The following MYOZ3 variants were observed in gnomAD, a reference collection of about 807,000 sequenced individuals.
MYOZ3 encodes the protein myozenin-3.
Under a neutral mutation model 26.5 loss-of-function variants are expected in MYOZ3, and 19 were observed. The ratio of observed to expected loss-of-function variants is 0.72; its 90% CI spans 0.50 to 1.05. The LOEUF is 1.05. Among genes scored for constraint, MYOZ3 ranks in the 50% least tolerant of loss-of-function variants. MYOZ3 has a pLI of 0.00. For synonymous variants in MYOZ3, 135 were observed against 138.8 expected, an observed-to-expected ratio of 0.97 and a Z score of 0.19; for missense variants, 322 against 337.1, an observed-to-expected ratio of 0.96 and a Z score of 0.35.
intron 6 of MYOZ3, chr5:150,673,160 C>T (rs1321412163): frequency 6.6e-6 from 1 of 152,396 alleles, no homozygotes; most frequent in African/African-American, 2.4e-5. Flanking sequence ...GACCCCAGGC[C>T]TGCCCGTGTT....
chr5:150,670,659 C>T (rs57925095), intron 3 of MYOZ3, 21 bp downstream of exon 3: 1 of 1,591,006 alleles, frequency 6.3e-7, no homozygotes, highest in Non-Finnish European at 8.6e-7. Flanking sequence ...CACCATTGTG[C>T]TCATGGGGAA....
chr5:150,670,693 G>A (rs1383713379), intron 3 of MYOZ3, 55 bp downstream of exon 3: 4 of 1,537,152 alleles, frequency 2.6e-6, no homozygotes, highest in Non-Finnish European at 2.6e-6. Flanking sequence ...GAGAGCCACT[G>A]GTTAGCCTAA....
At chr5:150,666,962 T>C (rs1298694941) in intron 2 of MYOZ3, among the ~76,000 whole-genome samples, 1 of 152,134 alleles carries the variant, frequency 6.6e-6, no homozygotes, top group Non-Finnish European at 1.5e-5. Flanking sequence ...TTTTGCCATG[T>C]TGGCCAGGTT....
At chr5:150,672,255 C>A in intron 5 of MYOZ3, 85 bp from the exon 6 acceptor site, 1 of 1,537,984 alleles carries the variant, frequency 6.5e-7, no homozygotes, top group East Asian at 2.4e-5. Context: ...CCTCCAACCG[C>A]GTCCGCGGAA....
chr5:150,673,680 G>A (rs1170552506), intron 6 of MYOZ3, among the ~76,000 whole-genome samples: 1 of 152,190 alleles, frequency 6.6e-6, no homozygotes, highest in Non-Finnish European at 1.5e-5. Flanking sequence ...AGTTTGGACA[G>A]GGGAGAGCTT....
Position 150,670,634 on chromosome 5 carries a change from G to A in MYOZ3, c.212G>A (p.Arg71Gln), listed in dbSNP as rs765485012. Reference sequence around the variant, plus strand: ...ACTTTCGAGTTAGCAGCCAGCCAGCGGGCGGTGAGTAAGCCACCATTGTGC... The same window carrying A: ...ACTTTCGAGTTAGCAGCCAGCCAGCAGGCGGTGAGTAAGCCACCATTGTGC... ...KFTFELAASQ[R>Q]AMLAGSARRK... Residue 71 changes from arginine (R) to glutamine (Q), a missense_variant, in exon 3 of 7, where the codon CGG becomes CAG. Arg to Gln is a conservative substitution (Grantham distance 43, BLOSUM62 1). Coordinates refer to ENST00000517768, the MANE Select transcript of MYOZ3 (RefSeq NM_001122853.3). 1.3e-5 allele frequency: 21 copies of A among 1,607,604 alleles called. No individual in the cohort carries two copies. In the African/African-American group the frequency reaches 2.3e-4, roughly 17 times the overall value.
intron 6 of MYOZ3, 21 bp downstream of exon 6, chr5:150,672,523 C>G: frequency 6.6e-7 from 1 of 1,510,198 alleles, no homozygotes; most frequent in Non-Finnish European, 8.9e-7. Flanking sequence ...GCGGGCAGCC[C>G]GGGGGACAGA....
At chr5:150,671,372 G>C (rs948829887) in intron 3 of MYOZ3, 23 of 581,734 alleles carry the variant, frequency 4.0e-5, no homozygotes, top group Non-Finnish European at 6.8e-5. Context: ...GGGAAATTAA[G>C]TATCTTGCCC....
At chr5:150,662,674 C>T (rs1239114467) in intron 1 of MYOZ3, among the ~76,000 whole-genome samples, 1 of 152,002 alleles carries the variant, frequency 6.6e-6, no homozygotes, top group East Asian at 1.9e-4. Context: ...GGAAAAGGCC[C>T]TAGAAACCAC....
At chr5:150,670,677 A>C in intron 3 of MYOZ3, 39 bp downstream of exon 3, 1 of 1,572,520 alleles carries the variant, frequency 6.4e-7, no homozygotes, top group Non-Finnish European at 8.7e-7. Flanking sequence ...GAAAATGAGG[A>C]CCACAGAGAG....
rs1318566321 is a variant in MYOZ3 at position 150,672,377 on chromosome 5, G to A, written c.462G>A (p.Lys154=). The part of the protein sequence containing the change: ...AEPLKGVPPE[K]FNHTAISKGY... ...CGCTGAAGGGCGTCCCGCCAGAGAA[G>A]TTCAACCACACCGCCATCTCCAAGG... Residue 154 remains lysine, a synonymous_variant, in exon 6 of 7, where the codon AAG becomes AAA. Transcript: ENST00000517768. The A allele has an allele frequency of 6.2e-7, 1 of 1,612,710 alleles. No homozygotes were observed. The highest frequency in any genetic ancestry group is 1.1e-5 in the South Asian group (1 of 90,792).
In MYOZ3 at chr5:150,677,121, G is replaced by A. The variant is rs1025850949; in HGVS notation, c.*246G>A. ...TTGCAGCATCAGAGTCTCCTGAGTC[G>A]AGGAATCTGTATTATTAATAGCAAC... On this transcript the variant is annotated 3_prime_UTR_variant, in exon 7 of 7. Transcript: ENST00000517768. 13 of 428,338 alleles carry A rather than the reference G, an allele frequency of 3.0e-5. No homozygotes were observed. The highest frequency in any genetic ancestry group is 2.0e-4 in the African/African-American group (10 of 50,494). 26.5% of individuals were successfully genotyped at this position (428,338 alleles called of 1,614,324 possible).
chr5:150,672,521 C>G lies in MYOZ3; in HGVS notation c.587+19C>G. 2 of 1,544,230 alleles carry G rather than the reference C, an allele frequency of 1.3e-6. No homozygotes were observed. Among genetic ancestry groups the G allele is most frequent in the Non-Finnish European group, 1.7e-6 (2 of 1,146,570 alleles). ...TCAACAAGTAAGGCGGGGCGGGCAG[C>G]CCGGGGGACAGACCGGGAGGGGCGG... On this transcript the variant is annotated intron_variant, in intron 6 of 6. Coordinates refer to ENST00000517768, the MANE Select transcript of MYOZ3 (RefSeq NM_001122853.3).
At chr5:150,665,664 A>G (rs13358856) in intron 2 of MYOZ3, among the ~76,000 whole-genome samples, 21,208 of 151,818 alleles carry the variant, frequency 0.14, 2,782 homozygotes, top group African/African-American at 0.35. Context: ...CCTGGGCCCA[A>G]GCAATCCACC....
chr5:150,672,042 C>A, intron 5 of MYOZ3, 134 bp downstream of exon 5: 1 of 1,333,378 alleles, frequency 7.5e-7, no homozygotes, highest in Non-Finnish European at 1.0e-6. Context: ...GCGCGCACTC[C>A]CCTCGCCAGA....
chr5:150,672,251 A>G (rs1404056245), intron 5 of MYOZ3, 89 bp from the exon 6 acceptor site: 3 of 1,409,636 alleles, frequency 2.1e-6, no homozygotes, highest in East Asian at 3.2e-5. Context: ...CCCTCCTCCA[A>G]CCGCGTCCGC....
chr5:150,670,565 G>C lies in MYOZ3; in HGVS notation c.143G>C (p.Gly48Ala). 1 of 1,613,246 alleles carries C rather than the reference G, an allele frequency of 6.2e-7. No individual in the cohort carries two copies. The highest frequency in any genetic ancestry group is 8.5e-7 in the Non-Finnish European group (1 of 1,179,672). ...MEELSLRNNR[G>A]SLLFQKRQRR... ...GAGCTGTCACTACGCAACAACAGAG[G>C]GTCCCTCCTCTTCCAGAAGAGGCAG... is the stretch of plus-strand genomic sequence containing the variant. The change falls in exon 3 of 7, where the codon GGG (glycine) becomes GCG (alanine). Residue 48 changes from glycine to alanine, a missense_variant. Gly to Ala is a moderately conservative substitution (Grantham distance 60). Transcript: ENST00000517768.
chr5:150,667,544 G>C (rs1481113261), intron 2 of MYOZ3, among the ~76,000 whole-genome samples: 1 of 152,098 alleles, frequency 6.6e-6, no homozygotes, highest in Non-Finnish European at 1.5e-5. Context: ...CCTGCTCAAG[G>C]ACATTCCTTC....
chr5:150,676,212 G>A (rs1581538253), intron 6 of MYOZ3, among the ~76,000 whole-genome samples: 2 of 151,030 alleles, frequency 1.3e-5, no homozygotes, highest in East Asian at 1.9e-4. Context: ...CCAAGTAGGC[G>A]CAGACTTGGA....
Sources: gnomAD v4.1 joint callset for allele counts (sites outside exome capture counted in the v4.1 genomes callset) on GRCh38, gnomAD v4.1.1 for gene constraint, MANE v1.5 for transcripts, NCBI Gene and HGNC (gene_info 2026-07-23, HGNC 2026-07-21) for gene names.